Variants in MAML3 observed in about 807,000 individuals in gnomAD.
MAML3 encodes the protein mastermind-like protein 3.
A neutral mutation model predicts 101.9 loss-of-function variants in MAML3; 27 were observed. The observed-to-expected ratio is 0.27, with a 90% CI of 0.20 to 0.37. The LOEUF (loss-of-function observed/expected upper bound fraction) is 0.37. MAML3 is among the 10% of genes least tolerant of loss of function. MAML3 has a pLI of 1.00. For synonymous variants in MAML3, 501 were observed against 555.9 expected (o/e 0.90, Z 1.39); for missense variants, 1,316 against 1,444.9 (o/e 0.91, Z 1.45).
intron 1 of MAML3, among the ~76,000 whole-genome samples, chr4:139,926,532 G>A (rs1295366488): frequency 3.3e-5 from 5 of 152,140 alleles, no homozygotes; most frequent in South Asian, 4.1e-4. Context: ...CCTGGGAGGC[G>A]GAGCTTGCAG....
chr4:140,018,559 T>C (rs1408786892), intron 1 of MAML3, among the ~76,000 whole-genome samples: 1 of 152,226 alleles, frequency 6.6e-6, no homozygotes, highest in Non-Finnish European at 1.5e-5. Context: ...CTGCATTTCT[T>C]TGTGGAAGGT....
chr4:139,914,517 A>C (rs1210250456), intron 1 of MAML3, among the ~76,000 whole-genome samples: 1 of 152,176 alleles, frequency 6.6e-6, no homozygotes, highest in African/African-American at 2.4e-5. Flanking sequence ...GAAAATGACC[A>C]CAGTAAATCC....
intron 1 of MAML3, among the ~76,000 whole-genome samples, chr4:140,030,273 G>T (rs951228436): frequency 1.3e-5 from 2 of 152,142 alleles, no homozygotes; most frequent in Non-Finnish European, 2.9e-5. Flanking sequence ...TTGGAGACAG[G>T]AGATTAGATT....
chr4:139,862,779 C>T (rs1358211753), intron 2 of MAML3, among the ~76,000 whole-genome samples: 2 of 152,192 alleles, frequency 1.3e-5, no homozygotes, highest in Non-Finnish European at 2.9e-5. Context: ...TAGAATAGGA[C>T]TCTGGAGACC....
intron 1 of MAML3, among the ~76,000 whole-genome samples, chr4:139,990,792 C>CCAGTCG (rs1734657220): frequency 6.6e-6 from 1 of 152,076 alleles, no homozygotes; most frequent in Admixed American, 6.6e-5. Flanking sequence ...GAGTGAACTC[C>CCAGTCG]CAGTCACAAT....
chr4:139,794,644 T>C (rs1730480791), intron 2 of MAML3, among the ~76,000 whole-genome samples: 1 of 152,240 alleles, frequency 6.6e-6, no homozygotes, highest in South Asian at 2.1e-4. Context: ...TCTGAAGAGC[T>C]CTTGTCCAGT....
intron 2 of MAML3, among the ~76,000 whole-genome samples, chr4:139,829,456 A>T (rs1731124925): frequency 6.6e-6 from 1 of 152,094 alleles, no homozygotes; most frequent in South Asian, 2.1e-4. Flanking sequence ...ATCGCAGCGG[A>T]TGTTATGAGG....
intron 1 of MAML3, among the ~76,000 whole-genome samples, chr4:139,973,800 A>C (rs1177067246): frequency 6.6e-6 from 1 of 152,184 alleles, no homozygotes; most frequent in African/African-American, 2.4e-5. Context: ...ATGGTCAAAA[A>C]CCACTTGCTT....
At chr4:139,958,544 G>C (rs1733951502) in intron 1 of MAML3, among the ~76,000 whole-genome samples, 1 of 152,168 alleles carries the variant, frequency 6.6e-6, no homozygotes, top group Admixed American at 6.5e-5. Context: ...ACTTCTGCCA[G>C]GGGGAAGACT....
intron 2 of MAML3, among the ~76,000 whole-genome samples, chr4:139,749,594 T>C (rs1020303967): frequency 6.6e-6 from 1 of 152,124 alleles, no homozygotes; most frequent in African/African-American, 2.4e-5. Context: ...AAGACATGAG[T>C]CTGTCAGAAC....
intron 2 of MAML3, among the ~76,000 whole-genome samples, chr4:139,753,720 T>G (rs1451015151): frequency 1.3e-5 from 2 of 152,216 alleles, no homozygotes; most frequent in African/African-American, 4.8e-5. Context: ...GATGTTAAAC[T>G]ATCAAAGCTT....
intron 1 of MAML3, among the ~76,000 whole-genome samples, chr4:139,902,517 G>A (rs780455312): frequency 6.6e-6 from 1 of 152,148 alleles, no homozygotes; most frequent in Non-Finnish European, 1.5e-5. Context: ...TCTCCGGGAT[G>A]AATCCCCCAT....
chr4:139,838,450 G>T (rs556013769), intron 2 of MAML3, among the ~76,000 whole-genome samples: 2 of 152,126 alleles, frequency 1.3e-5, no homozygotes, highest in Non-Finnish European at 2.9e-5. Context: ...ATTAGATATT[G>T]CTCAATTCAT....
intron 1 of MAML3, among the ~76,000 whole-genome samples, chr4:140,141,699 A>C (rs1300866011): frequency 1.3e-5 from 2 of 152,210 alleles, no homozygotes; most frequent in African/African-American, 4.8e-5. Context: ...CTCCTGTAAG[A>C]TGTGTTATTT....
At chr4:139,726,868 A>G (rs1728493295) in intron 3 of MAML3, among the ~76,000 whole-genome samples, 1 of 152,192 alleles carries the variant, frequency 6.6e-6, no homozygotes, top group South Asian at 2.1e-4. Context: ...GGGAAAGAAA[A>G]TAAGAGTGAT....
At chr4:139,721,822 A>G (rs1342990673) in intron 4 of MAML3, among the ~76,000 whole-genome samples, 1 of 152,202 alleles carries the variant, frequency 6.6e-6, no homozygotes, top group Non-Finnish European at 1.5e-5. Context: ...GAAAGTTCCT[A>G]GTAAAACACT....
At chr4:140,010,791 C>T (rs1726537913) in intron 1 of MAML3, among the ~76,000 whole-genome samples, 1 of 152,048 alleles carries the variant, frequency 6.6e-6, no homozygotes, top group Admixed American at 6.6e-5. Flanking sequence ...AAATGAATGA[C>T]ATAATGATCC....
chr4:139,997,924 A>G (rs1734848314), intron 1 of MAML3, among the ~76,000 whole-genome samples: 1 of 151,928 alleles, frequency 6.6e-6, no homozygotes, highest in Non-Finnish European at 1.5e-5. Flanking sequence ...TGCTCCCTAT[A>G]TGTGGTAAGC....
chr4:139,848,526 G>T (rs927400262), intron 2 of MAML3, among the ~76,000 whole-genome samples: 1 of 152,122 alleles, frequency 6.6e-6, no homozygotes, highest in African/African-American at 2.4e-5. Context: ...GGCTATTTTT[G>T]GGCACTGTGA....
Sources: allele counts gnomAD v4.1 joint callset (sites outside exome capture counted in the v4.1 genomes callset), GRCh38; gene constraint gnomAD v4.1.1; transcripts MANE v1.5; gene names NCBI Gene and HGNC (gene_info 2026-07-23, HGNC 2026-07-21).